Variants in SEMA3E observed in about 807,000 individuals in gnomAD.
The protein encoded by SEMA3E is semaphorin-3E.
A neutral mutation model predicts 93.6 loss-of-function variants in SEMA3E; 49 were observed. The observed-to-expected ratio is 0.52, with a 90% CI of 0.42 to 0.66. The LOEUF (loss-of-function observed/expected upper bound fraction) is 0.66. SEMA3E is among the 30% of genes least tolerant of loss of function. SEMA3E has a pLI of 0.00. For synonymous variants in SEMA3E, 363 were observed against 330.7 expected (o/e 1.10, Z -1.06); for missense variants, 906 against 964.8 (o/e 0.94, Z 0.81).
intron 4 of SEMA3E, among the ~76,000 whole-genome samples, chr7:83,437,961 G>A (rs1789037394): frequency 6.6e-6 from 1 of 152,030 alleles, no homozygotes; most frequent in Non-Finnish European, 1.5e-5. Flanking sequence ...GCCTAAACAA[G>A]CATAAGAATA....
intron 4 of SEMA3E, among the ~76,000 whole-genome samples, chr7:83,430,530 G>A (rs1274656414): frequency 6.6e-6 from 1 of 152,232 alleles, no homozygotes; most frequent in Non-Finnish European, 1.5e-5. Context: ...CATTTGCAGG[G>A]ACATGTATGA....
chr7:83,620,848 A>C (rs552899734), intron 1 of SEMA3E, among the ~76,000 whole-genome samples: 17 of 152,254 alleles, frequency 1.1e-4, no homozygotes, highest in African/African-American at 3.8e-4. Flanking sequence ...CATACCTCAA[A>C]ATTATAAGAG....
chr7:83,560,306 C>T (rs749338956), intron 1 of SEMA3E, among the ~76,000 whole-genome samples: 8 of 151,940 alleles, frequency 5.3e-5, no homozygotes, highest in East Asian at 1.9e-4. Flanking sequence ...CGGGAGGCTA[C>T]GCATGTGTAG....
intron 4 of SEMA3E, among the ~76,000 whole-genome samples, chr7:83,441,808 T>A (rs901655529): frequency 6.6e-6 from 1 of 152,168 alleles, no homozygotes; most frequent in African/African-American, 2.4e-5. Context: ...ATCACCACTG[T>A]CATCAGTTTG....
intron 4 of SEMA3E, among the ~76,000 whole-genome samples, chr7:83,454,871 C>T (rs1789448962): frequency 6.6e-6 from 1 of 152,172 alleles, no homozygotes; most frequent in South Asian, 2.1e-4. Context: ...AAATATTTAA[C>T]TACAGAATAC....
At chr7:83,555,097 A>G (rs2115815902) in intron 1 of SEMA3E, among the ~76,000 whole-genome samples, 1 of 152,338 alleles carries the variant, frequency 6.6e-6, no homozygotes, top group South Asian at 2.1e-4. Flanking sequence ...TATAGAGAAT[A>G]GGTGCAGTCT....
At chr7:83,630,915 A>C (rs2115672062) in intron 1 of SEMA3E, among the ~76,000 whole-genome samples, 1 of 152,240 alleles carries the variant, frequency 6.6e-6, no homozygotes, top group Non-Finnish European at 1.5e-5. Flanking sequence ...TTGTAAAATT[A>C]TTTTTTACAG....
chr7:83,593,286 G>GCTCTTTCTCTCTCTCTC (rs1792796227), intron 1 of SEMA3E, among the ~76,000 whole-genome samples: 2 of 11,192 alleles, frequency 1.8e-4, no homozygotes, highest in African/African-American at 7.9e-4. Flanking sequence ...CTCTCTCTCT[G>GCTCTTTCTCTCTCTCTC]TGTGTGTGTG....
chr7:83,552,190 G>A (rs778679583), intron 1 of SEMA3E, among the ~76,000 whole-genome samples: 53 of 152,186 alleles, frequency 3.5e-4, no homozygotes, highest in Non-Finnish European at 6.9e-4. Flanking sequence ...GGAAGTCAGG[G>A]ACCCTGAACA....
intron 1 of SEMA3E, among the ~76,000 whole-genome samples, chr7:83,631,216 G>A (rs955095191): frequency 6.6e-6 from 1 of 151,992 alleles, no homozygotes; most frequent in African/African-American, 2.4e-5. Context: ...AAATGGTTAT[G>A]TTTAGCTCAT....
At chr7:83,437,796 G>A (rs1471019836) in intron 4 of SEMA3E, among the ~76,000 whole-genome samples, 1 of 152,090 alleles carries the variant, frequency 6.6e-6, no homozygotes, top group Non-Finnish European at 1.5e-5. Flanking sequence ...TGTAAGATGG[G>A]CTTAGAATCT....
intron 1 of SEMA3E, among the ~76,000 whole-genome samples, chr7:83,605,534 G>A (rs1457004919): frequency 2.0e-5 from 3 of 151,660 alleles, no homozygotes; most frequent in African/African-American, 4.8e-5. Flanking sequence ...AGGATCAAGC[G>A]ATTATCCTGC....
intron 15 of SEMA3E, among the ~76,000 whole-genome samples, chr7:83,385,888 T>A (rs143342370): frequency 6.6e-6 from 1 of 152,248 alleles, no homozygotes; most frequent in Non-Finnish European, 1.5e-5. Context: ...TATCTGGGTG[T>A]TGGGCTGCTG....
intron 4 of SEMA3E, among the ~76,000 whole-genome samples, chr7:83,443,215 G>A (rs1016616441): frequency 2.0e-5 from 3 of 152,122 alleles, no homozygotes; most frequent in Admixed American, 6.5e-5. Context: ...ACATGGTGAC[G>A]GGGTATTGGA....
At chr7:83,422,186 A>T (rs922889596) in intron 4 of SEMA3E, among the ~76,000 whole-genome samples, 1 of 152,166 alleles carries the variant, frequency 6.6e-6, no homozygotes, top group African/African-American at 2.4e-5. Flanking sequence ...AAAAATAAAC[A>T]AATTAAAAAT....
At position 83,614,986 on chromosome 7, in the gene SEMA3E, T is replaced by C. The variant is rs187136526; in HGVS notation, c.115+33442A>G. Reference sequence around the variant, plus strand: ...CATTGCTCTTAAATAAAATATTGTGTTATTAATACACACTCACTGATCATC... The same window carrying C: ...CATTGCTCTTAAATAAAATATTGTGCTATTAATACACACTCACTGATCATC... On this transcript the variant is annotated intron_variant, in intron 1 of 16. Transcript: ENST00000643230. 3.3e-5 allele frequency among the ~76,000 whole-genome samples: 5 copies of C among 152,260 alleles called. No individual in the cohort carries two copies. In the East Asian group the frequency reaches 7.7e-4, roughly 24 times the overall value.
At chr7:83,516,563 G>A (rs1187346430) in intron 1 of SEMA3E, among the ~76,000 whole-genome samples, 1 of 152,048 alleles carries the variant, frequency 6.6e-6, no homozygotes, top group Non-Finnish European at 1.5e-5. Context: ...ACATTGCTGA[G>A]GGATTCTATT....
At chr7:83,461,417 C>G (rs546397555) in intron 4 of SEMA3E, among the ~76,000 whole-genome samples, 1 of 152,244 alleles carries the variant, frequency 6.6e-6, no homozygotes. Flanking sequence ...ATCTTTTTGT[C>G]ACCTCCCCTC....
At chr7:83,574,531 A>T in intron 1 of SEMA3E, among the ~76,000 whole-genome samples, 1 of 147,748 alleles carries the variant, frequency 6.8e-6, no homozygotes, top group East Asian at 2.0e-4. Context: ...AGTTCCTGGT[A>T]TCTGTACTTT....
Sources: gnomAD v4.1 joint callset for allele counts (sites outside exome capture counted in the v4.1 genomes callset) on GRCh38, gnomAD v4.1.1 for gene constraint, MANE v1.5 for transcripts, NCBI Gene and HGNC (gene_info 2026-07-23, HGNC 2026-07-21) for gene names.